The following SEC31A variants were observed in gnomAD, a reference collection of about 807,000 sequenced individuals.
SEC31A encodes the protein SEC31 homolog A, COPII component.
In SEC31A, 70 loss-of-function variants were observed where a neutral mutation model predicts 151.0. The ratio of observed to expected loss-of-function variants is 0.46; its 90% CI spans 0.38 to 0.57. The LOEUF (loss-of-function observed/expected upper bound fraction) is 0.57, where lower values mean the gene tolerates loss of function less well. Ranked by LOEUF, SEC31A falls within the 20% of genes least tolerant of loss-of-function variation. The probability of loss-of-function intolerance (pLI) is 0.00; values close to 1 mark genes in which losing one functional copy is unlikely to be tolerated. For synonymous variants in SEC31A, 475 were observed against 505.9 expected (o/e 0.94, Z 0.82); for missense variants, 1,330 against 1,471.2 (o/e 0.90, Z 1.57).
chr4:82,822,123 C>T (rs1252501845), intron 25 of SEC31A, among the ~76,000 whole-genome samples: 1 of 152,136 alleles, frequency 6.6e-6, no homozygotes, highest in Non-Finnish European at 1.5e-5. Context: ...TAATGTTCTA[C>T]ATTATACCAC....
intron 22 of SEC31A, among the ~76,000 whole-genome samples, chr4:82,841,490 A>G (rs1255715707): frequency 2.2e-5 from 3 of 136,508 alleles, no homozygotes; most frequent in Non-Finnish European, 4.8e-5. Context: ...AAAATACAAA[A>G]ATTAGCTGGG....
chr4:82,842,556 T>C, intron 21 of SEC31A, 75 bp from the exon 22 acceptor site: 1 of 1,028,088 alleles, frequency 9.7e-7, no homozygotes, highest in Non-Finnish European at 1.4e-6. Context: ...ACTAAAAAGT[T>C]ATCTCAGTCT....
chr4:82,892,065 A>G (rs1719827907), upstream of SEC31A, among the ~76,000 whole-genome samples: 1 of 152,234 alleles, frequency 6.6e-6, no homozygotes, highest in Admixed American at 6.5e-5. Context: ...ACATTCCCAC[A>G]GTCAGCTACA....
At chr4:82,858,421 G>C (rs948376493) in intron 14 of SEC31A, among the ~76,000 whole-genome samples, 12 of 151,448 alleles carry the variant, frequency 7.9e-5, no homozygotes, top group African/African-American at 2.9e-4. Context: ...GTGTGCACCT[G>C]TAGCCCCACC....
chr4:82,878,362 CA>C (rs1738482202), intron 4 of SEC31A, among the ~76,000 whole-genome samples: 1 of 152,046 alleles, frequency 6.6e-6, no homozygotes, highest in African/African-American at 2.4e-5. Context: ...GGCGTGGTGG[CA>C]GGCGCCTGTA....
intron 17 of SEC31A, 86 bp from the exon 18 acceptor site, chr4:82,853,801 G>T: frequency 9.2e-7 from 1 of 1,087,012 alleles, no homozygotes. Flanking sequence ...ATTTTCAGAG[G>T]CATGGATTAA....
chr4:82,839,595 A>C (rs1728278821), intron 22 of SEC31A, among the ~76,000 whole-genome samples: 1 of 152,240 alleles, frequency 6.6e-6, no homozygotes, highest in Non-Finnish European at 1.5e-5. Flanking sequence ...CTCATTTATA[A>C]TTATTTAAAT....
chr4:82,848,991 G>C lies in SEC31A; in HGVS notation c.2329-14C>G. On this transcript the variant is annotated splice_polypyrimidine_tract_variant and intron_variant, in intron 19 of 26. Coordinates refer to ENST00000395310, the MANE Select transcript of SEC31A (RefSeq NM_001077207.4). ...CATGATATTTGGCTAAAAAGGATTG[G>C]AAAAACAGCAGACTGTTGAGAGTTC... 1.2e-6 allele frequency: 2 copies of C among 1,608,754 alleles called. No homozygotes were observed. The highest frequency in any genetic ancestry group is 1.7e-6 in the Non-Finnish European group (2 of 1,177,780).
intron 7 of SEC31A, chr4:82,871,578 C>T (rs1358445078): frequency 1.6e-6 from 1 of 610,414 alleles, no homozygotes; most frequent in African/African-American, 1.8e-5. Flanking sequence ...AAGTTTGAGA[C>T]CAGCCTGGCC....
At chr4:82,823,242 T>TG (rs1377702382) in intron 25 of SEC31A, among the ~76,000 whole-genome samples, 1 of 152,248 alleles carries the variant, frequency 6.6e-6, no homozygotes. Flanking sequence ...AACCTCTCTA[T>TG]ACTGACTCAC....
In SEC31A at chr4:82,857,691, C is replaced by G. The variant is rs1170810544; in HGVS notation, c.1700G>C (p.Gly567Ala). 6.4e-7 allele frequency: 1 copy of G among 1,567,864 alleles called. No homozygotes were observed. The highest frequency in any genetic ancestry group is 2.2e-5 in the East Asian group (1 of 44,538). ...AATCAAAACCAACAAGTACTTACCC[C>G]CACTGACAGAGATATTAAATGTTCC... ...SGGTFNISVS[G>A]DIDGLITQAL... Residue 567 changes from glycine to alanine, a missense_variant and splice_region_variant, in exon 15 of 27, where the codon GGG becomes GCG. Coordinates refer to ENST00000395310, the MANE Select transcript of SEC31A (RefSeq NM_001077207.4).
chr4:82,896,488 G>A (rs1308280771), intron 3 of SEC31A, among the ~76,000 whole-genome samples: 1 of 152,148 alleles, frequency 6.6e-6, no homozygotes, highest in Non-Finnish European at 1.5e-5. Flanking sequence ...AAAGTGCTGG[G>A]ATTACAGGTG....
At chr4:82,880,564 G>T in intron 3 of SEC31A, 1 of 326,040 alleles carries the variant, frequency 3.1e-6, no homozygotes. Context: ...ACTCCAGCCT[G>T]AGCTATGAAG....
chr4:82,863,056 T>C (rs529296258), intron 12 of SEC31A, among the ~76,000 whole-genome samples: 56 of 152,322 alleles, frequency 3.7e-4, no homozygotes, highest in South Asian at 2.5e-3. Context: ...TGCAATGCTA[T>C]AGAAAACTCT....
intron 24 of SEC31A, among the ~76,000 whole-genome samples, chr4:82,825,677 A>G (rs1201048327): frequency 6.6e-6 from 1 of 152,188 alleles, no homozygotes; most frequent in Non-Finnish European, 1.5e-5. Flanking sequence ...ACTGAGAACA[A>G]TGGGAAGCTG....
chr4:82,851,430 C>G lies in SEC31A; in HGVS notation c.2328+1G>C. 6.2e-7 allele frequency: 1 copy of G among 1,608,910 alleles called. No homozygotes were observed. The highest frequency in any genetic ancestry group is 8.5e-7 in the Non-Finnish European group (1 of 1,177,254). On this transcript the variant is annotated splice_donor_variant, in intron 19 of 26. Coordinates refer to ENST00000395310, the MANE Select transcript of SEC31A (RefSeq NM_001077207.4). LOFTEE classifies it high-confidence loss of function. Reference sequence around the variant, plus strand: ...TTACAAAAATGGTCAATTCTAATTACCTGGTTGGTGTTGTCAGGAAGAAAA... The same window carrying G: ...TTACAAAAATGGTCAATTCTAATTAGCTGGTTGGTGTTGTCAGGAAGAAAA...
At chr4:82,889,700 T>C (rs1185371543) in intron 1 of SEC31A, among the ~76,000 whole-genome samples, 3 of 152,200 alleles carry the variant, frequency 2.0e-5, no homozygotes, top group African/African-American at 7.2e-5. Flanking sequence ...TTATTTCTAT[T>C]CCCATGTTAT....
At chr4:82,855,128 C>T (rs1452309509) in intron 16 of SEC31A, 99 bp from the exon 17 acceptor site, 10 of 1,005,090 alleles carry the variant, frequency 9.9e-6, no homozygotes, top group Non-Finnish European at 1.4e-5. Flanking sequence ...ATGCCAAATG[C>T]AGCAGCAAAA....
At chr4:82,834,374 T>C (rs1233167878) in intron 22 of SEC31A, among the ~76,000 whole-genome samples, 1 of 152,250 alleles carries the variant, frequency 6.6e-6, no homozygotes, top group African/African-American at 2.4e-5. Context: ...GCTTTTAAGC[T>C]GTGGGTGTTA....
Sources: allele counts gnomAD v4.1 joint callset (sites outside exome capture counted in the v4.1 genomes callset), GRCh38; gene constraint gnomAD v4.1.1; transcripts MANE v1.5; gene names NCBI Gene and HGNC (gene_info 2026-07-23, HGNC 2026-07-21).